Variants in DSE observed in about 807,000 individuals in gnomAD.
DSE encodes dermatan sulfate epimerase, also known as dermatan-sulfate epimerase.
A neutral mutation model predicts 84.4 loss-of-function variants in DSE; 36 were observed. That is an observed-to-expected ratio of 0.43 (90% CI 0.33 to 0.56). The LOEUF (loss-of-function observed/expected upper bound fraction) is 0.56, where lower values mean the gene tolerates loss of function less well. Ranked by LOEUF, DSE falls within the 20% of genes least tolerant of loss-of-function variation. The pLI is 0.06. For missense variants in DSE, 862 were observed against 1,169.6 expected, an observed-to-expected ratio of 0.74 and a Z score of 3.84; for synonymous variants, 410 against 430.1, an observed-to-expected ratio of 0.95 and a Z score of 0.58.
intron 2 of DSE, among the ~76,000 whole-genome samples, chr6:116,338,181 CTTT>C (rs1733215248): frequency 7.2e-6 from 1 of 138,746 alleles, no homozygotes; most frequent in South Asian, 2.3e-4. Context: ...CTTTCTCTTT[CTTT>C]CTTTCTTTCT....
chr6:116,336,734 A>C (rs1356424901), intron 2 of DSE, among the ~76,000 whole-genome samples: 3 of 144,452 alleles, frequency 2.1e-5, no homozygotes, highest in African/African-American at 7.7e-5. Flanking sequence ...CAGCCTGGGC[A>C]ACAAGAGCAA....
chr6:116,272,566 C>T (rs1474776273), intron 2 of DSE, among the ~76,000 whole-genome samples: 1 of 152,154 alleles, frequency 6.6e-6, no homozygotes, highest in Non-Finnish European at 1.5e-5. Context: ...TTTGCAATAG[C>T]TGGATGTTTA....
intron 2 of DSE, among the ~76,000 whole-genome samples, chr6:116,425,937 T>C (rs1783424054): frequency 1.3e-5 from 2 of 152,202 alleles, no homozygotes; most frequent in Non-Finnish European, 2.9e-5. Context: ...CTTAGAAAGA[T>C]ATTTGAAGGA....
intron 2 of DSE, among the ~76,000 whole-genome samples, chr6:116,298,060 C>T (rs1774778780): frequency 6.6e-6 from 1 of 152,126 alleles, no homozygotes; most frequent in Non-Finnish European, 1.5e-5. Context: ...AGTTTTAATT[C>T]CTGAATTGTC....
intron 2 of DSE, among the ~76,000 whole-genome samples, chr6:116,311,981 A>G (rs1775720792): frequency 6.6e-6 from 1 of 152,206 alleles, no homozygotes; most frequent in Admixed American, 6.5e-5. Flanking sequence ...TGAGAAATAA[A>G]GAGAGAGATA....
At chr6:116,254,228 A>G (rs985674790) in exon 1 of DSE, 48 of 709,598 alleles carry the variant, frequency 6.8e-5, no homozygotes, top group African/African-American at 6.6e-4. Flanking sequence ...TCTTGTCACA[A>G]AAAGAATTTC....
intron 2 of DSE, among the ~76,000 whole-genome samples, chr6:116,313,880 A>G (rs1462986142): frequency 5.9e-5 from 9 of 152,238 alleles, no homozygotes; most frequent in Non-Finnish European, 1.3e-4. Flanking sequence ...TTTAGGACTC[A>G]CTATGCCAAT....
At chr6:116,417,990 T>A (rs530818479) in intron 2 of DSE, among the ~76,000 whole-genome samples, 54 of 152,176 alleles carry the variant, frequency 3.5e-4, no homozygotes, top group African/African-American at 1.3e-3. Context: ...ATAGGCATTT[T>A]AAAGGGAGGA....
rs1779522059 is a variant in DSE at position 116,371,101 on chromosome 6, A to C, written c.-74A>C. On this transcript the variant is annotated 5_prime_UTR_variant, in exon 1 of 6. Coordinates refer to ENST00000644252, the MANE Select transcript of DSE (RefSeq NM_013352.4). The stretch of plus-strand genomic sequence containing the variant: ...GGCTGCGGAGGCGACGCCGGAGAGA[A>C]CGAAGCCTCGGCTGGGAGCGGTAAG... 2.0e-6 allele frequency: 2 copies of C among 986,118 alleles called. No homozygotes were observed. The highest frequency in any genetic ancestry group is 5.2e-4 in the Middle Eastern group (1 of 1,916). The allele number at this position is 986,118 out of a possible 1,614,324, so 61.1% of individuals were successfully genotyped here. A position where few individuals can be genotyped will look rare whatever the true frequency, so the allele number is the denominator to read the frequency against.
At chr6:116,342,491 G>A (rs1473576476) in intron 2 of DSE, among the ~76,000 whole-genome samples, 1 of 152,056 alleles carries the variant, frequency 6.6e-6, no homozygotes, top group African/African-American at 2.4e-5. Flanking sequence ...ATGTTGGCCA[G>A]GCTGGTCTTA....
In DSE at chr6:116,435,600, T is replaced by C; in HGVS notation, c.1132T>C (p.Leu378=). ...AATTAATTTCAGGTATGATGGCAGC[T>C]TGAAATCGGTTCCTCCTCCAGACTT... ...HTEFLWYDGS[L]KSVPPPDFGT... Residue 378 remains leucine (L), a synonymous_variant, in exon 6 of 6, where the codon TTG becomes CTG. Coordinates refer to ENST00000644252, the MANE Select transcript of DSE (RefSeq NM_013352.4). 1 of 1,572,674 alleles carries C rather than the reference T, an allele frequency of 6.4e-7. No homozygotes were observed. The highest frequency in any genetic ancestry group is 8.6e-7 in the Non-Finnish European group (1 of 1,160,412).
chr6:116,345,606 C>A (rs977576429), intron 2 of DSE, among the ~76,000 whole-genome samples: 1 of 152,004 alleles, frequency 6.6e-6, no homozygotes, highest in African/African-American at 2.4e-5. Flanking sequence ...ATCTCTGGGA[C>A]ACATTTAAAG....
intron 1 of DSE, among the ~76,000 whole-genome samples, chr6:116,379,236 T>C (rs1002105070): frequency 3.3e-5 from 5 of 152,164 alleles, no homozygotes; most frequent in Non-Finnish European, 5.9e-5. Context: ...TCAGTGGGCT[T>C]GAAGGATGCC....
At chr6:116,327,720 C>T (rs1444230086) in intron 2 of DSE, among the ~76,000 whole-genome samples, 1 of 152,098 alleles carries the variant, frequency 6.6e-6, no homozygotes, top group East Asian at 1.9e-4. Context: ...ATGCTTTCTG[C>T]CTCATTGGCC....
At chr6:116,433,611 G>A (rs990913121) in intron 5 of DSE, 61 bp downstream of exon 5, 1 of 1,496,502 alleles carries the variant, frequency 6.7e-7, no homozygotes, top group Admixed American at 2.2e-5. Context: ...TTCATGCTAT[G>A]CACTTGTTTT....
chr6:116,344,302 C>T (rs1009836895), intron 2 of DSE, among the ~76,000 whole-genome samples: 1 of 152,058 alleles, frequency 6.6e-6, no homozygotes, highest in African/African-American at 2.4e-5. Context: ...AGATACTCCT[C>T]CTGAAGAGCA....
At chr6:116,374,700 C>T (rs1366220892) in intron 1 of DSE, among the ~76,000 whole-genome samples, 4 of 152,124 alleles carry the variant, frequency 2.6e-5, no homozygotes, top group Admixed American at 2.6e-4. Flanking sequence ...CGAGGTGATC[C>T]AGGACCTCAC....
chr6:116,332,235 C>T (rs1305442346), intron 2 of DSE, among the ~76,000 whole-genome samples: 5 of 151,388 alleles, frequency 3.3e-5, no homozygotes. Context: ...TAAAACATTC[C>T]CAAGAGACAT....
intron 2 of DSE, among the ~76,000 whole-genome samples, chr6:116,344,102 C>T (rs182386184): frequency 1.4e-4 from 22 of 152,200 alleles, no homozygotes; most frequent in African/African-American, 4.8e-4. Flanking sequence ...TAAAAAGAAA[C>T]GAACAAAGCC....
Sources: gnomAD v4.1 joint callset for allele counts (sites outside exome capture counted in the v4.1 genomes callset) on GRCh38, gnomAD v4.1.1 for gene constraint, MANE v1.5 for transcripts, NCBI Gene and HGNC (gene_info 2026-07-23, HGNC 2026-07-21) for gene names.